Variants in GPC5 observed in about 807,000 individuals in gnomAD.
The protein encoded by GPC5 is glypican-5.
In GPC5, 47 loss-of-function variants were observed where a neutral mutation model predicts 53.9. That is an observed-to-expected ratio of 0.87 (90% CI 0.69 to 1.11). GPC5 has a LOEUF of 1.11. Ranked by LOEUF, GPC5 falls within the 50% of genes most tolerant of loss-of-function variation. The pLI, the probability that GPC5 is intolerant of heterozygous loss-of-function variation, is 0.00. For missense variants in GPC5, 748 were observed against 713.1 expected, an observed-to-expected ratio of 1.05 and a Z score of -0.56; for synonymous variants, 286 against 263.3, an observed-to-expected ratio of 1.09 and a Z score of -0.84.
chr13:92,810,394 T>TA (rs1174992977), intron 7 of GPC5, among the ~76,000 whole-genome samples: 2 of 151,954 alleles, frequency 1.3e-5, no homozygotes, highest in African/African-American at 4.8e-5. Flanking sequence ...TCTAATTTAT[T>TA]AAAAAGAAGA....
chr13:92,153,560 ATGT>A (rs1483814225), intron 7 of GPC5, among the ~76,000 whole-genome samples: 3 of 152,224 alleles, frequency 2.0e-5, no homozygotes, highest in African/African-American at 7.2e-5. Flanking sequence ...GATATGAACA[ATGT>A]TGTTCTAAAC....
chr13:92,584,990 G>A (rs946734873), intron 7 of GPC5, among the ~76,000 whole-genome samples: 79 of 152,254 alleles, frequency 5.2e-4, no homozygotes, highest in Non-Finnish European at 8.2e-4. Context: ...ACGCCTGGAT[G>A]CCTAGGCAAA....
chr13:92,604,332 T>C (rs143984436), intron 7 of GPC5, among the ~76,000 whole-genome samples: 7 of 152,266 alleles, frequency 4.6e-5, no homozygotes, highest in Non-Finnish European at 7.4e-5. Context: ...AATGTAGAAG[T>C]GGTTTAACAT....
chr13:91,825,812 A>G (rs909097984), intron 5 of GPC5, among the ~76,000 whole-genome samples: 14 of 152,118 alleles, frequency 9.2e-5, no homozygotes, highest in African/African-American at 3.1e-4. Flanking sequence ...AAAATGAAAG[A>G]GGAATTTAAT....
At chr13:91,981,444 T>C (rs989709756) in intron 6 of GPC5, among the ~76,000 whole-genome samples, 3 of 152,090 alleles carry the variant, frequency 2.0e-5, no homozygotes, top group South Asian at 2.1e-4. Flanking sequence ...TGCCCGCCAC[T>C]ACGCCCGGCT....
chr13:91,911,574 T>C (rs1462760407), intron 6 of GPC5, among the ~76,000 whole-genome samples: 4 of 152,004 alleles, frequency 2.6e-5, no homozygotes, highest in Admixed American at 1.3e-4. Flanking sequence ...ACAACTTTAA[T>C]AAATCAATAA....
intron 7 of GPC5, among the ~76,000 whole-genome samples, chr13:92,842,524 A>G (rs1181922690): frequency 6.6e-6 from 1 of 152,154 alleles, no homozygotes; most frequent in Non-Finnish European, 1.5e-5. Flanking sequence ...AGGCATACAA[A>G]TAACATTTAA....
At chr13:92,211,948 C>T (rs911726538) in intron 7 of GPC5, among the ~76,000 whole-genome samples, 2 of 152,052 alleles carry the variant, frequency 1.3e-5, no homozygotes, top group African/African-American at 2.4e-5. Context: ...AAATGTTTGT[C>T]GTCTTCACCT....
chr13:91,724,201 G>A (rs1298409756), intron 3 of GPC5, among the ~76,000 whole-genome samples: 1 of 152,094 alleles, frequency 6.6e-6, no homozygotes, highest in Admixed American at 6.5e-5. Context: ...ATATAATGGA[G>A]CACAGCACAT....
At chr13:92,246,694 C>T (rs578020917) in intron 7 of GPC5, among the ~76,000 whole-genome samples, 47 of 152,224 alleles carry the variant, frequency 3.1e-4, no homozygotes, top group African/African-American at 1.0e-3. Context: ...AAACCTCAAA[C>T]AGTATAGAGT....
intron 7 of GPC5, among the ~76,000 whole-genome samples, chr13:92,704,948 T>A (rs973584310): frequency 2.7e-5 from 4 of 150,912 alleles, no homozygotes; most frequent in Non-Finnish European, 5.9e-5. Flanking sequence ...AATACATGTA[T>A]GTGTCTAAAT....
At chr13:91,488,780 C>T (rs778636838) in intron 2 of GPC5, among the ~76,000 whole-genome samples, 5 of 152,178 alleles carry the variant, frequency 3.3e-5, no homozygotes, top group African/African-American at 9.7e-5. Flanking sequence ...GAGAGATAAC[C>T]GTAAACTCTG....
At chr13:92,485,986 T>C (rs1011850581) in intron 7 of GPC5, among the ~76,000 whole-genome samples, 9 of 152,160 alleles carry the variant, frequency 5.9e-5, no homozygotes, top group Admixed American at 5.2e-4. Flanking sequence ...AAAAGAGATA[T>C]TTAAAAATTA....
At chr13:91,855,828 A>G (rs1471284938) in intron 5 of GPC5, among the ~76,000 whole-genome samples, 4 of 151,512 alleles carry the variant, frequency 2.6e-5, no homozygotes, top group African/African-American at 9.7e-5. Context: ...ATTATTATAT[A>G]TTGAGGGAAA....
chr13:92,027,753 C>T (rs1699292778), intron 6 of GPC5, among the ~76,000 whole-genome samples: 1 of 152,140 alleles, frequency 6.6e-6, no homozygotes, highest in African/African-American at 2.4e-5. Flanking sequence ...ATTCACTTAA[C>T]AACATAATAG....
intron 7 of GPC5, among the ~76,000 whole-genome samples, chr13:92,660,709 T>G (rs1488560192): frequency 6.6e-6 from 1 of 152,034 alleles, no homozygotes; most frequent in African/African-American, 2.4e-5. Context: ...GAATTTCTAT[T>G]ACTTTCTTTT....
intron 7 of GPC5, among the ~76,000 whole-genome samples, chr13:92,542,115 C>T (rs1374611487): frequency 6.6e-6 from 1 of 151,830 alleles, no homozygotes; most frequent in African/African-American, 2.4e-5. Flanking sequence ...AGCTTTATAC[C>T]ATGTGTAATG....
At chr13:91,913,524 T>C (rs544559327) in intron 6 of GPC5, among the ~76,000 whole-genome samples, 1 of 152,080 alleles carries the variant, frequency 6.6e-6, no homozygotes, top group Non-Finnish European at 1.5e-5. Flanking sequence ...ACACATTCCC[T>C]CTTCTCCACA....
chr13:91,693,649 G>T lies in GPC5; in HGVS notation c.788G>T (p.Gly263Val). The T allele has an allele frequency of 1.9e-6, 3 of 1,614,076 alleles. No homozygotes were observed. The highest frequency in any genetic ancestry group is 2.5e-6 in the Non-Finnish European group (3 of 1,179,964). Residue 263 changes from glycine to valine, a missense_variant, in exon 3 of 8, where the codon GGC (glycine) becomes GTC (valine). Gly to Val is a moderately radical substitution (Grantham distance 109). Transcript: ENST00000377067. Reference protein sequence around the residue: ...LKMQYCPHCQGLALTKPCMGY... With the variant: ...LKMQYCPHCQVLALTKPCMGY... ...ATGCAATACTGCCCGCACTGCCAAG[G>T]CCTGGCGCTCACTAAGCCTTGTATG...
Sources: allele counts gnomAD v4.1 joint callset (sites outside exome capture counted in the v4.1 genomes callset), GRCh38; gene constraint gnomAD v4.1.1; transcripts MANE v1.5; gene names NCBI Gene and HGNC (gene_info 2026-07-23, HGNC 2026-07-21).